The following VWF variants were observed in gnomAD, a reference collection of about 807,000 sequenced individuals.
VWF encodes Factor VIII related antigen.
Under a neutral mutation model 308.6 loss-of-function variants are expected in VWF, and 176 were observed. That is an observed-to-expected ratio of 0.57 (90% CI 0.50 to 0.65). The LOEUF (loss-of-function observed/expected upper bound fraction) is 0.65, where lower values mean the gene tolerates loss of function less well. VWF is among the 30% of genes least tolerant of loss of function. The probability of loss-of-function intolerance (pLI) is 0.00; values close to 1 mark genes in which losing one functional copy is unlikely to be tolerated. For missense variants in VWF, 3,146 were observed against 3,648.2 expected, an observed-to-expected ratio of 0.86 and a Z score of 3.55; for synonymous variants, 1,385 against 1,443.4, an observed-to-expected ratio of 0.96 and a Z score of 0.92.
In VWF at chr12:6,046,670, G is replaced by A. The variant is rs1176092902; in HGVS notation, c.2281+53C>T. Reference sequence around the variant, plus strand: ...AGCTCTCTCCCGCCATTCCACACGTGAGGAATCTGGGCAGGATGGAGTCAA... The same window carrying A: ...AGCTCTCTCCCGCCATTCCACACGTAAGGAATCTGGGCAGGATGGAGTCAA... On this transcript the variant is annotated intron_variant, in intron 17 of 51. Coordinates refer to ENST00000261405, the MANE Select transcript of VWF (RefSeq NM_000552.5). The surrounding 1 kb of genome is among the most constrained non-coding windows in gnomAD (Gnocchi z 5.0). 17 of 1,542,952 alleles carry A rather than the reference G, an allele frequency of 1.1e-5. No individual in the cohort carries two copies. The highest frequency in any genetic ancestry group is 1.8e-6 in the Non-Finnish European group (2 of 1,115,662).
chr12:5,964,988 C>G (rs1166553489), intron 47 of VWF, among the ~76,000 whole-genome samples: 1 of 152,160 alleles, frequency 6.6e-6, no homozygotes, highest in Non-Finnish European at 1.5e-5. Context: ...TGTCTCCTAC[C>G]CGGCAGGGCC....
In VWF at chr12:6,058,338, G is replaced by A. The variant is rs986557108; in HGVS notation, c.1534-294C>T. 6.6e-6 allele frequency among the ~76,000 whole-genome samples: 1 copy of A among 152,182 alleles called. No homozygotes were observed. Among genetic ancestry groups the A allele is most frequent in the Non-Finnish European group, 1.5e-5 (1 of 68,036 alleles). On this transcript the variant is annotated intron_variant, in intron 13 of 51. Transcript: ENST00000261405. The surrounding 1 kb of genome is among the most constrained non-coding windows in gnomAD (Gnocchi z 4.9). The stretch of plus-strand genomic sequence containing the variant: ...AGGATGGAGAAGGGAGGCCCAAAGA[G>A]GCAAAGTGACTTGCCTAAGGTCAGG...
intron 18 of VWF, among the ~76,000 whole-genome samples, chr12:6,037,680 G>T (rs919819259): frequency 6.6e-6 from 1 of 152,162 alleles, no homozygotes; most frequent in Non-Finnish European, 1.5e-5. Context: ...AGAGGCCTGG[G>T]TCACCCCCAG....
intron 10 of VWF, among the ~76,000 whole-genome samples, chr12:6,066,398 A>G (rs1052616373): frequency 6.6e-6 from 1 of 152,234 alleles, no homozygotes; most frequent in African/African-American, 2.4e-5. Context: ...TACTCTACAG[A>G]AAAAGAAATA....
intron 42 of VWF, among the ~76,000 whole-genome samples, chr12:5,977,476 AT>A (rs1943544476): frequency 6.6e-6 from 1 of 152,270 alleles, no homozygotes; most frequent in Admixed American, 6.5e-5. Context: ...AGAAAGAACA[AT>A]TTAAAATATA....
At chr12:5,995,935 A>G in intron 35 of VWF, 67 bp downstream of exon 35, 1 of 1,509,032 alleles carries the variant, frequency 6.6e-7, no homozygotes, top group Non-Finnish European at 9.1e-7. Flanking sequence ...AGCAACTGCC[A>G]CCAGGTCCAG....
chr12:5,989,078 G>A (rs747754329), intron 38 of VWF, among the ~76,000 whole-genome samples: 34 of 152,120 alleles, frequency 2.2e-4, no homozygotes, highest in South Asian at 6.2e-4. Context: ...AGGAGGCTAC[G>A]GGCCAGAGCT....
chr12:5,980,135 GAAGA>G (rs1329133667), intron 42 of VWF, among the ~76,000 whole-genome samples: 46 of 105,812 alleles, frequency 4.3e-4, no homozygotes, highest in African/African-American at 1.4e-3. Flanking sequence ...AGGAAGGAAG[GAAGA>G]AAGGAGTGAG....
chr12:6,020,776 G>C lies in VWF; in HGVS notation c.3675-1033C>G, dbSNP rs183792673. On this transcript the variant is annotated intron_variant, in intron 27 of 51. Transcript: ENST00000261405. This position sits in a 1 kb window ranked among gnomAD's most constrained non-coding sequence, Gnocchi z 4.3. ...CCTGGGAAGTGTCCCCCTGCGGCTT[G>C]ATACCAGGTGATGCCACCAGCCTGC... Among the ~76,000 whole-genome samples, 4 of 152,372 alleles carry C rather than the reference G, an allele frequency of 2.6e-5. No individual in the cohort carries two copies. Among genetic ancestry groups the C allele is most frequent in the African/African-American group, 9.6e-5 (4 of 41,586 alleles).
intron 40 of VWF, among the ~76,000 whole-genome samples, chr12:5,984,552 G>T (rs1220726421): frequency 3.3e-5 from 5 of 152,228 alleles, no homozygotes; most frequent in Non-Finnish European, 7.3e-5. Flanking sequence ...AGGCACTAAT[G>T]ATTTCCTGCC....
intron 6 of VWF, among the ~76,000 whole-genome samples, chr12:6,088,887 T>A (rs1418400987): frequency 1.3e-5 from 2 of 152,228 alleles, no homozygotes; most frequent in Admixed American, 1.3e-4. Flanking sequence ...TTGGGTTTTG[T>A]TGGCATAACA....
At chr12:6,047,763 G>C (rs1458120980) in intron 16 of VWF, among the ~76,000 whole-genome samples, 1 of 152,200 alleles carries the variant, frequency 6.6e-6, no homozygotes, top group African/African-American at 2.4e-5. Flanking sequence ...ATTCATCCCT[G>C]TGAAGACACG....
chr12:5,973,482 C>T lies in VWF; in HGVS notation c.7438-1773G>A, dbSNP rs117177297. Among the ~76,000 whole-genome samples, 1,007 of 152,314 alleles carry T rather than the reference C, an allele frequency of 6.6e-3. 3 individuals carry two copies. The highest frequency in any genetic ancestry group is 0.01 in the Non-Finnish European group (711 of 68,028). ...TAGATGCCAAGCTCTGGTCACTTGT[C>T]CCCTCTGAGGCAATCTGAGGAGCAC... is the stretch of plus-strand genomic sequence containing the variant. On this transcript the variant is annotated intron_variant, in intron 43 of 51. Transcript: ENST00000261405.
chr12:5,996,958 TA>T (rs79622985), intron 34 of VWF, among the ~76,000 whole-genome samples: 11,332 of 152,158 alleles, frequency 0.074, 596 homozygotes, highest in East Asian at 0.24. Context: ...ATCTTGGACC[TA>T]AGTAAAGTTG....
rs114713980 is a variant in VWF at position 6,123,134 on chromosome 12, G to C, written c.55+8C>G. 5.0e-6 allele frequency: 8 copies of C among 1,614,034 alleles called. No individual in the cohort carries two copies. Among genetic ancestry groups the C allele is most frequent in the Non-Finnish European group, 6.8e-6 (8 of 1,180,026 alleles). ...AGGAATGAGAAATGGAGGCCCTTTT[G>C]TACCTACCTGGCAAAATGAGGGCCA... On this transcript the variant is annotated splice_region_variant and intron_variant, in intron 2 of 51. Coordinates refer to ENST00000261405, the MANE Select transcript of VWF (RefSeq NM_000552.5).
intron 8 of VWF, among the ~76,000 whole-genome samples, chr12:6,072,758 AG>A: frequency 6.6e-6 from 1 of 152,282 alleles, no homozygotes; most frequent in East Asian, 1.9e-4. Context: ...GCAACGTGAG[AG>A]GGAGAAGACT....
intron 22 of VWF, among the ~76,000 whole-genome samples, chr12:6,027,936 C>T (rs11608525): frequency 0.25 from 37,854 of 151,918 alleles, 5,022 homozygotes; most frequent in African/African-American, 0.31. Flanking sequence ...CCTAGGACCA[C>T]GTTTGACACA....
rs1245250442 is a variant in VWF, at chr12:6,052,718, A to C, written c.2011T>G (p.Ser671Ala). 3 of 1,613,982 alleles carry C rather than the reference A, an allele frequency of 1.9e-6. No individual in the cohort carries two copies. The highest frequency in any genetic ancestry group is 1.3e-5 in the African/African-American group (1 of 74,882). The part of the protein sequence containing the change: ...CGTPCNLTCR[S>A]LSYPDEECNE... Reference sequence around the variant, plus strand: ...CATTCCTCATCCGGGTAAGAGAGAGAGCGGCAGGTCAGGTTGCAGGGGGTC... The same window carrying C: ...CATTCCTCATCCGGGTAAGAGAGAGCGCGGCAGGTCAGGTTGCAGGGGGTC... The change falls in exon 16 of 52, where the codon TCT becomes GCT. Residue 671 changes from serine (S) to alanine (A), a missense_variant. Ser to Ala is a moderately conservative substitution (Grantham distance 99, BLOSUM62 1). Around this residue, in one of 3 missense-constraint regions of VWF, gnomAD observed 1,304 missense variants for 1,353.0 expected, o/e 0.96. Coordinates refer to ENST00000261405, the MANE Select transcript of VWF (RefSeq NM_000552.5).
rs1944673707 is a variant in VWF, at chr12:6,063,116, G to C, written c.1433-62C>G. ...GGAGAGGACAGGGTGGTGGCAGGCAGATGTATTTGGGAGGAAATGGGGTGT... is the reference window on the plus strand; with the variant it reads ...GGAGAGGACAGGGTGGTGGCAGGCACATGTATTTGGGAGGAAATGGGGTGT... On this transcript the variant is annotated intron_variant, in intron 12 of 51. Transcript: ENST00000261405. This position sits in a 1 kb window ranked among gnomAD's most constrained non-coding sequence, Gnocchi z 4.9. 4 of 1,399,950 alleles carry C rather than the reference G, an allele frequency of 2.9e-6. No homozygotes were observed. Among genetic ancestry groups the C allele is most frequent in the African/African-American group, 1.4e-5 (1 of 71,994 alleles). 86.7% of individuals were successfully genotyped at this position (1,399,950 alleles called of 1,614,324 possible). A position where few individuals can be genotyped will look rare whatever the true frequency, so the allele number is the denominator to read the frequency against.
Sources: gnomAD v4.1 joint callset for allele counts (sites outside exome capture counted in the v4.1 genomes callset) on GRCh38, gnomAD v4.1.1 for gene constraint, gnomAD v4.1.1 regional missense constraint, Gnocchi (gnomAD v3.1) non-coding constraint, MANE v1.5 for transcripts, NCBI Gene and HGNC (gene_info 2026-07-23, HGNC 2026-07-21) for gene names.